Variants in NRG3 observed in about 807,000 individuals in gnomAD.
NRG3 encodes the protein pro-neuregulin-3, membrane-bound isoform.
A neutral mutation model predicts 66.9 loss-of-function variants in NRG3; 31 were observed. That is an observed-to-expected ratio of 0.46 (90% CI 0.35 to 0.63). The LOEUF is 0.63. Among genes scored for constraint, NRG3 ranks in the 20% least tolerant of loss-of-function variants. The pLI is 0.00. For missense variants in NRG3, 910 were observed against 878.9 expected (o/e 1.04, Z -0.45); for synonymous variants, 393 against 359.4 (o/e 1.09, Z -1.06).
chr10:82,252,681 G>A (rs184262511), intron 1 of NRG3, among the ~76,000 whole-genome samples: 60 of 152,146 alleles, frequency 3.9e-4, no homozygotes, highest in African/African-American at 1.3e-3. Context: ...CTAGGCTGAA[G>A]GATTTAAAAT....
chr10:81,937,404 C>T (rs144663541), intron 1 of NRG3, among the ~76,000 whole-genome samples: 10 of 152,164 alleles, frequency 6.6e-5, no homozygotes, highest in African/African-American at 1.9e-4. Context: ...CACAAGGGTT[C>T]CAATTTCTCC....
At chr10:82,780,480 C>CTTTTTTTTTT (rs150086019) in intron 3 of NRG3, among the ~76,000 whole-genome samples, 2 of 106,062 alleles carry the variant, frequency 1.9e-5, no homozygotes, top group Non-Finnish European at 3.9e-5. Context: ...TTTTTCTTTT[C>CTTTTTTTTTT]TTTTTTTTTT....
intron 1 of NRG3, among the ~76,000 whole-genome samples, chr10:82,197,517 G>A (rs2074511553): frequency 6.6e-6 from 1 of 152,124 alleles, no homozygotes; most frequent in Non-Finnish European, 1.5e-5. Context: ...AGAGTGCAAT[G>A]TGTTTGTATT....
chr10:82,347,229 C>T (rs1461124819), intron 1 of NRG3, among the ~76,000 whole-genome samples: 2 of 147,126 alleles, frequency 1.4e-5, no homozygotes, highest in Non-Finnish European at 3.0e-5. Flanking sequence ...CCTCTACACA[C>T]TGCTTTGAAT....
intron 2 of NRG3, among the ~76,000 whole-genome samples, chr10:82,600,794 A>T (rs1006956069): frequency 6.6e-6 from 1 of 151,736 alleles, no homozygotes; most frequent in Admixed American, 6.6e-5. Context: ...TATTTTTTTT[A>T]ATTTTTATTT....
intron 1 of NRG3, among the ~76,000 whole-genome samples, chr10:82,260,199 C>T (rs2077951747): frequency 1.3e-5 from 2 of 152,184 alleles, no homozygotes; most frequent in South Asian, 4.1e-4. Context: ...ATCTGTGTAT[C>T]TCCTAAAGAA....
intron 1 of NRG3, among the ~76,000 whole-genome samples, chr10:82,026,634 T>TC (rs951937805): frequency 6.6e-6 from 1 of 151,566 alleles, no homozygotes; most frequent in African/African-American, 2.4e-5. Context: ...TGGTAAATTT[T>TC]TTTGTGTGGA....
chr10:82,557,858 AAAGG>A (rs1257418413), intron 2 of NRG3, among the ~76,000 whole-genome samples: 1 of 152,186 alleles, frequency 6.6e-6, no homozygotes, highest in Non-Finnish European at 1.5e-5. Context: ...CCCAAGGTCA[AAAGG>A]CTGGGAAGTG....
chr10:81,967,498 T>G (rs2059775196), intron 1 of NRG3, among the ~76,000 whole-genome samples: 1 of 152,126 alleles, frequency 6.6e-6, no homozygotes, highest in African/African-American at 2.4e-5. Context: ...GTATTTTCAT[T>G]GTGGTGGGTG....
At chr10:82,837,646 C>G (rs546296991) in intron 3 of NRG3, among the ~76,000 whole-genome samples, 1 of 152,256 alleles carries the variant, frequency 6.6e-6, no homozygotes, top group Non-Finnish European at 1.5e-5. Context: ...CCCAGACTAA[C>G]CAGCTGGTGC....
chr10:82,708,307 T>A (rs2065770), intron 2 of NRG3, among the ~76,000 whole-genome samples: 87,276 of 152,006 alleles, frequency 0.57, 26,961 homozygotes, highest in East Asian at 0.79. Flanking sequence ...CTTTTCTTTT[T>A]TCTTTCCAAC....
intron 2 of NRG3, among the ~76,000 whole-genome samples, chr10:82,645,082 C>T (rs1470032272): frequency 6.6e-6 from 1 of 152,160 alleles, no homozygotes; most frequent in Non-Finnish European, 1.5e-5. Context: ...TTCCATTTTG[C>T]TGCTGTTTTC....
chr10:82,055,000 A>G (rs948861674), intron 1 of NRG3, among the ~76,000 whole-genome samples: 18 of 151,778 alleles, frequency 1.2e-4, no homozygotes, highest in Admixed American at 4.6e-4. Context: ...TGACAGCACA[A>G]GACTCTGTCT....
chr10:82,184,541 T>G (rs1313189456), intron 1 of NRG3, among the ~76,000 whole-genome samples: 1 of 152,194 alleles, frequency 6.6e-6, no homozygotes, highest in Non-Finnish European at 1.5e-5. Flanking sequence ...CTTGAAATTT[T>G]TATTTATGTA....
At chr10:82,453,263 A>T (rs2091106176) in intron 2 of NRG3, among the ~76,000 whole-genome samples, 1 of 152,144 alleles carries the variant, frequency 6.6e-6, no homozygotes, top group Non-Finnish European at 1.5e-5. Context: ...TAACCTAGAG[A>T]ATTAGAAGAG....
intron 2 of NRG3, among the ~76,000 whole-genome samples, chr10:82,575,943 TCTA>T (rs756253941): frequency 6.6e-6 from 1 of 151,838 alleles, no homozygotes; most frequent in East Asian, 2.0e-4. Context: ...TCCGTATTCT[TCTA>T]CTAAGTAAGG....
At chr10:82,081,564 G>A (rs1233823277) in intron 1 of NRG3, among the ~76,000 whole-genome samples, 2 of 152,064 alleles carry the variant, frequency 1.3e-5, no homozygotes, top group African/African-American at 2.4e-5. Flanking sequence ...TTCTAGGTAA[G>A]GTACTTCTAT....
chr10:82,786,327 C>G (rs2060361837), intron 3 of NRG3, among the ~76,000 whole-genome samples: 1 of 152,020 alleles, frequency 6.6e-6, no homozygotes. Flanking sequence ...CCCATTGTGC[C>G]CAGATGTGAG....
chr10:82,104,707 T>C (rs2066954651), intron 1 of NRG3, among the ~76,000 whole-genome samples: 1 of 152,056 alleles, frequency 6.6e-6, no homozygotes, highest in Non-Finnish European at 1.5e-5. Context: ...GAAGATAGTA[T>C]GTGTTATACG....
Sources: allele counts gnomAD v4.1 joint callset (sites outside exome capture counted in the v4.1 genomes callset), GRCh38; gene constraint gnomAD v4.1.1; transcripts MANE v1.5; gene names NCBI Gene and HGNC (gene_info 2026-07-23, HGNC 2026-07-21).